SLC6A20: variants seen among roughly 807,000 people sequenced by gnomAD.
SLC6A20 encodes sodium- and chloride-dependent transporter XTRP3.
A neutral mutation model predicts 64.3 loss-of-function variants in SLC6A20; 73 were observed. The ratio of observed to expected loss-of-function variants is 1.14; its 90% CI spans 0.94 to 1.38. The LOEUF is 1.38. SLC6A20 is among the 40% of genes most tolerant of loss of function. The probability of loss-of-function intolerance (pLI) is 0.00; values close to 1 mark genes in which losing one functional copy is unlikely to be tolerated. For missense variants in SLC6A20, 725 were observed against 772.8 expected (o/e 0.94, Z 0.73); for synonymous variants, 347 against 329.6 (o/e 1.05, Z -0.57).
chr3:45,786,121 C>T (rs57013034), intron 1 of SLC6A20, among the ~76,000 whole-genome samples: 2,153 of 152,338 alleles, frequency 0.014, 59 homozygotes, highest in African/African-American at 0.047. Context: ...CTTTAAGTCA[C>T]TAATTTTTTT....
Position 45,771,177 on chromosome 3 carries a change from T to C in SLC6A20, c.935+40A>G, listed in dbSNP as rs1325405930. On this transcript the variant is annotated intron_variant, in intron 6 of 10. Coordinates refer to ENST00000358525, the MANE Select transcript of SLC6A20 (RefSeq NM_020208.4). ...CCCAGGCGACCCTTCAGCTCAGAGC[T>C]CAGGGAGGCCTGGGACTCGGTGGGA... 3.7e-6 allele frequency: 6 copies of C among 1,612,976 alleles called. No homozygotes were observed. The East Asian group carries it at 1.1e-4, about 30-fold the overall frequency.
At position 45,760,035 on chromosome 3, in the gene SLC6A20, CAG is replaced by C; in HGVS notation, c.1464-15_1464-14del. On this transcript the variant is annotated splice_polypyrimidine_tract_variant and intron_variant, in intron 9 of 10. Coordinates refer to ENST00000358525, the MANE Select transcript of SLC6A20 (RefSeq NM_020208.4). ...GTCACTTTCAAATCTATTTGGAAAA[CAG>C]GGAGAGAAAGTCTGGATTAACCAGG... The C allele has an allele frequency of 6.2e-7, 1 of 1,603,404 alleles. No individual in the cohort carries two copies. The highest frequency in any genetic ancestry group is 8.5e-7 in the Non-Finnish European group (1 of 1,175,122).
At chr3:45,761,058 C>T (rs111741390) in intron 9 of SLC6A20, among the ~76,000 whole-genome samples, 3 of 152,140 alleles carry the variant, frequency 2.0e-5, no homozygotes, top group East Asian at 1.9e-4. Context: ...GGTGTCCATG[C>T]GAGGCTGTGT....
chr3:45,758,891 C>T lies in SLC6A20; in HGVS notation c.*87G>A. ...CAGGAAGTTGATGGGCTGAGCACTC[C>T]TGGCTTAAGCATTTGAAAAAGCAGC... is the stretch of plus-strand genomic sequence containing the variant. On this transcript the variant is annotated 3_prime_UTR_variant, in exon 11 of 11. Coordinates refer to ENST00000358525, the MANE Select transcript of SLC6A20 (RefSeq NM_020208.4). 2 of 1,488,098 alleles carry T rather than the reference C, an allele frequency of 1.3e-6. No homozygotes were observed. The highest frequency in any genetic ancestry group is 1.8e-6 in the Non-Finnish European group (2 of 1,118,716). The allele number at this position is 1,488,098 out of a possible 1,614,324, so 92.2% of individuals were successfully genotyped here.
chr3:45,782,621 TTCCATCCATCCA>T (rs3051640), intron 1 of SLC6A20, among the ~76,000 whole-genome samples: 4 of 144,668 alleles, frequency 2.8e-5, no homozygotes, highest in East Asian at 4.2e-4. Flanking sequence ...ATTTCCATAT[TTCCATCCATCCA>T]TCCATCCATC....
chr3:45,765,410 G>A lies in SLC6A20; in HGVS notation c.1303+127C>T, dbSNP rs1340072264. On this transcript the variant is annotated intron_variant, in intron 8 of 10. Transcript: ENST00000358525. The surrounding 1 kb of genome is among the most constrained non-coding windows in gnomAD (Gnocchi z 4.2). ...TGTGAGAAGACATGGCAGGACCGTGGTGAGGTGGCTGCAACCCCCTGTAGC... is the reference window on the plus strand; with the variant it reads ...TGTGAGAAGACATGGCAGGACCGTGATGAGGTGGCTGCAACCCCCTGTAGC... 1.4e-5 allele frequency: 13 copies of A among 957,614 alleles called. No homozygotes were observed. Among genetic ancestry groups the A allele is most frequent in the Non-Finnish European group, 2.0e-5 (13 of 640,194 alleles). The allele number at this position is 957,614 out of a possible 1,614,324, so 59.3% of individuals were successfully genotyped here. A position where few individuals can be genotyped will look rare whatever the true frequency, so the allele number is the denominator to read the frequency against.
intron 1 of SLC6A20, among the ~76,000 whole-genome samples, chr3:45,795,660 A>G (rs1252118311): frequency 6.6e-6 from 1 of 152,216 alleles, no homozygotes. Context: ...CCGCAACGCT[A>G]GGGGAGTGCG....
intron 4 of SLC6A20, among the ~76,000 whole-genome samples, chr3:45,774,641 G>A (rs1313599710): frequency 1.3e-5 from 2 of 152,152 alleles, no homozygotes; most frequent in Non-Finnish European, 2.9e-5. Flanking sequence ...GAATACCATG[G>A]GTAGCTCTGG....
chr3:45,786,657 A>G (rs1700174636), intron 1 of SLC6A20, among the ~76,000 whole-genome samples: 1 of 152,238 alleles, frequency 6.6e-6, no homozygotes, highest in Non-Finnish European at 1.5e-5. Context: ...TCTGAGCCTC[A>G]GTAACTATCC....
At chr3:45,794,262 G>A (rs1700308786) in intron 1 of SLC6A20, among the ~76,000 whole-genome samples, 1 of 152,198 alleles carries the variant, frequency 6.6e-6, no homozygotes, top group Admixed American at 6.5e-5. Context: ...GAAGGCAGGA[G>A]GAGGTTTGAA....
At chr3:45,793,404 T>G (rs1332199217) in intron 1 of SLC6A20, among the ~76,000 whole-genome samples, 4 of 152,248 alleles carry the variant, frequency 2.6e-5, no homozygotes, top group African/African-American at 9.6e-5. Flanking sequence ...CCTGAACAAC[T>G]ACTGCCTTAG....
In SLC6A20 at chr3:45,772,491, G is replaced by T; in HGVS notation, c.693+14C>A. 1.9e-6 allele frequency: 3 copies of T among 1,604,728 alleles called. No homozygotes were observed. Among genetic ancestry groups the T allele is most frequent in the Non-Finnish European group, 2.6e-6 (3 of 1,175,658 alleles). The stretch of plus-strand genomic sequence containing the variant: ...TGAGGGGTGCCCGTAGGGCCCTTCC[G>T]CTTCAGCCCGTACCTTGGGAGTGAA... On this transcript the variant is annotated intron_variant, in intron 5 of 10. Transcript: ENST00000358525.
intron 1 of SLC6A20, chr3:45,790,620 C>T (rs1394850398): frequency 6.6e-6 from 1 of 152,390 alleles, no homozygotes; most frequent in Non-Finnish European, 1.5e-5. Context: ...AATTCCCTCC[C>T]ATCTGTTCTC....
rs750184274 is a variant in SLC6A20 at position 45,765,754 on chromosome 3, A to T, written c.1099-13T>A. The T allele has an allele frequency of 1.5e-5, 24 of 1,613,934 alleles. 1 individual carries two copies. The South Asian group carries it at 2.5e-4, about 17-fold the overall frequency. ...TGCCCTGGACGGCCTGCCCAGGGTG[A>T]GAAGACACCAGTTACATGCAAGAGG... On this transcript the variant is annotated splice_polypyrimidine_tract_variant and intron_variant, in intron 7 of 10. Transcript: ENST00000358525. The surrounding 1 kb of genome is among the most constrained non-coding windows in gnomAD (Gnocchi z 4.2).
In SLC6A20 at chr3:45,758,661, T is replaced by TA. The variant is rs1699592599; in HGVS notation, c.*316dup. 1.7e-6 allele frequency: 2 copies of TA among 1,162,518 alleles called. No homozygotes were observed. Among genetic ancestry groups the TA allele is most frequent in the African/African-American group, 3.2e-5 (2 of 61,858 alleles). 72.0% of individuals were successfully genotyped at this position (1,162,518 alleles called of 1,614,324 possible). On this transcript the variant is annotated 3_prime_UTR_variant, in exon 11 of 11. Transcript: ENST00000358525. Reference sequence around the variant, plus strand: ...CTTAAATTTGGTCCCATAAGAATTATAGTCATATTTCAGTTTGCAATGTGC... The same window carrying TA: ...CTTAAATTTGGTCCCATAAGAATTATAAGTCATATTTCAGTTTGCAATGTGC...
Position 45,760,000 on chromosome 3 carries a change from T to C in SLC6A20, c.1486A>G (p.Met496Val), listed in dbSNP as rs1396459862. The C allele has an allele frequency of 6.2e-7, 1 of 1,613,220 alleles. No individual in the cohort carries two copies. Among genetic ancestry groups the C allele is most frequent in the South Asian group, 1.1e-5 (1 of 90,920 alleles). ...LRRFESDLKA[M>V]TGRAVSWYWK... ...TACCAGCTCACAGCTCGGCCGGTCA[T>C]GGCCTTAAGGTCACTTTCAAATCTA... The change falls in exon 10 of 11, where the codon ATG becomes GTG. Residue 496 changes from methionine to valine, a missense_variant. By Grantham distance (21) the Met-to-Val change is conservative (BLOSUM62 1). Coordinates refer to ENST00000358525, the MANE Select transcript of SLC6A20 (RefSeq NM_020208.4).
At chr3:45,775,070 T>C (rs73062371) in intron 4 of SLC6A20, among the ~76,000 whole-genome samples, 387 of 152,212 alleles carry the variant, frequency 2.5e-3, no homozygotes, top group Non-Finnish European at 4.3e-3. Context: ...ATGGGAACAC[T>C]GAAAGCAAAC....
intron 9 of SLC6A20, among the ~76,000 whole-genome samples, chr3:45,762,116 G>A (rs1228125985): frequency 6.6e-6 from 1 of 152,216 alleles, no homozygotes; most frequent in Non-Finnish European, 1.5e-5. Context: ...GACATAGTGT[G>A]AAGATACAGG....
intron 1 of SLC6A20, among the ~76,000 whole-genome samples, chr3:45,793,633 A>G (rs1700295159): frequency 6.6e-6 from 1 of 152,194 alleles, no homozygotes; most frequent in Non-Finnish European, 1.5e-5. Context: ...AGTCACGGGC[A>G]GAGTCCCATG....
Sources: gnomAD v4.1 joint callset for allele counts (sites outside exome capture counted in the v4.1 genomes callset) on GRCh38, gnomAD v4.1.1 for gene constraint, Gnocchi (gnomAD v3.1) non-coding constraint, MANE v1.5 for transcripts, NCBI Gene and HGNC (gene_info 2026-07-23, HGNC 2026-07-21) for gene names.